The following VARS1 variants were observed in gnomAD, a reference collection of about 807,000 sequenced individuals.
VARS1 encodes the protein valine--tRNA ligase.
VARS1 carries 92 observed loss-of-function variants against 161.0 expected under a neutral mutation model. That is an observed-to-expected ratio of 0.57 (90% CI 0.48 to 0.68). The LOEUF (loss-of-function observed/expected upper bound fraction) is 0.68. VARS1 is among the 30% of genes least tolerant of loss of function. The probability of loss-of-function intolerance (pLI) is 0.00; values close to 1 mark genes in which losing one functional copy is unlikely to be tolerated. For missense variants in VARS1, 1,338 were observed against 1,695.9 expected, an observed-to-expected ratio of 0.79 and a Z score of 3.71; for synonymous variants, 595 against 682.5, an observed-to-expected ratio of 0.87 and a Z score of 2.00.
intron 5 of VARS1, 43 bp from the exon 6 acceptor site, chr6:31,792,344 C>G: frequency 6.2e-7 from 1 of 1,613,932 alleles, no homozygotes; most frequent in East Asian, 2.2e-5. Context: ...ATCAGCCAAC[C>G]CATCACCGCA....
At position 31,779,535 on chromosome 6, in the gene VARS1, C is replaced by A; in HGVS notation, c.3290G>T (p.Cys1097Phe). 1 of 1,612,376 alleles carries A rather than the reference C, an allele frequency of 6.2e-7. No homozygotes were observed. The highest frequency in any genetic ancestry group is 1.7e-5 in the Admixed American group (1 of 60,006). Residue 1097 changes from cysteine to phenylalanine, a missense_variant and splice_region_variant, in exon 28 of 30, where the codon TGC becomes TTC. By Grantham distance (205) the Cys-to-Phe change is radical. This residue lies in a region of VARS1 where 433 missense variants were observed against 586.2 expected (regional missense o/e 0.74). Coordinates refer to ENST00000375663, the MANE Select transcript of VARS1 (RefSeq NM_006295.3). This position sits in a 1 kb window ranked among gnomAD's most constrained non-coding sequence, Gnocchi z 9.1. ...CVTPYPEPSE[C>F]SWKDPEAEAA... is the part of the protein sequence containing the mutation. The stretch of plus-strand genomic sequence containing the variant: ...TTCTGCCTCGGGGTCCTTCCAGGAG[C>A]ACTGTGGGGTGGAGGAGGGGGTGAG...
In VARS1 at chr6:31,779,041, G is replaced by C. The variant is rs778347232; in HGVS notation, c.3652C>G (p.Leu1218Val). 1 of 1,612,832 alleles carries C rather than the reference G, an allele frequency of 6.2e-7. No homozygotes were observed. Among genetic ancestry groups the C allele is most frequent in the South Asian group, 1.1e-5 (1 of 91,076 alleles). Residue 1218 changes from leucine to valine, a missense_variant, in exon 29 of 30, where the codon CTG (leucine) becomes GTG (valine). This residue lies in a region of VARS1 where 433 missense variants were observed against 586.2 expected (regional missense o/e 0.74). Transcript: ENST00000375663. This position sits in a 1 kb window ranked among gnomAD's most constrained non-coding sequence, Gnocchi z 9.1. ...CCCGAGGCAGCACGGCGTTCCCGCA[G>C]ACGCTGGGCCTGCCGCTGGGCCTCA... ...RVEAQRQAQR[L>V]RERRAASGYP...
Position 31,795,489 on chromosome 6 carries a change from G to T in VARS1, c.-34+57C>A, listed in dbSNP as rs1046259570. On this transcript the variant is annotated intron_variant, in intron 1 of 29. Coordinates refer to ENST00000375663, the MANE Select transcript of VARS1 (RefSeq NM_006295.3). This position sits in a 1 kb window ranked among gnomAD's most constrained non-coding sequence, Gnocchi z 6.9. ...CGCGGGGCTTCGGGGAGTGTGGAAG[G>T]CTCTCAGGAGCGGGTCGGCGTCTGG... The T allele has an allele frequency of 1.7e-5, 6 of 351,764 alleles. No individual in the cohort carries two copies. Among genetic ancestry groups the T allele is most frequent in the Non-Finnish European group, 3.1e-5 (6 of 196,450 alleles). The allele number at this position is 351,764 out of a possible 1,614,324, so 21.8% of individuals were successfully genotyped here. A position where few individuals can be genotyped will look rare whatever the true frequency, so the allele number is the denominator to read the frequency against.
intron 8 of VARS1, among the ~76,000 whole-genome samples, chr6:31,788,649 A>C (rs1475839359): frequency 6.6e-6 from 1 of 151,054 alleles, no homozygotes; most frequent in African/African-American, 2.4e-5. Flanking sequence ...TACTAAAAAA[A>C]ATACAAAAAA....
rs755491126 is a variant in VARS1 at position 31,781,636 on chromosome 6, C to T, written c.2419-30G>A. The T allele has an allele frequency of 3.7e-6, 6 of 1,612,766 alleles. No individual in the cohort carries two copies. In the South Asian group the frequency reaches 5.5e-5, roughly 15 times the overall value. On this transcript the variant is annotated intron_variant, in intron 20 of 29. Transcript: ENST00000375663. This position sits in a 1 kb window ranked among gnomAD's most constrained non-coding sequence, Gnocchi z 6.8. ...GGGCAGACCAGGGTGTGAAGGGGAG[C>T]CAACACCCACCCTCCAGTCCCCTGT...
rs1267159461 is a variant in VARS1, at chr6:31,784,721, T to C, written c.1348-7A>G. On this transcript the variant is annotated splice_polypyrimidine_tract_variant and splice_region_variant and intron_variant, in intron 10 of 29. Coordinates refer to ENST00000375663, the MANE Select transcript of VARS1 (RefSeq NM_006295.3). This position sits in a 1 kb window ranked among gnomAD's most constrained non-coding sequence, Gnocchi z 6.1. ...TCACAGCTGCTGAGAGTTTCTGGGG[T>C]GGAGGAGGGAGAAGTCAGAGAGATG... 6.2e-7 allele frequency: 1 copy of C among 1,612,546 alleles called. No individual in the cohort carries two copies. The highest frequency in any genetic ancestry group is 8.5e-7 in the Non-Finnish European group (1 of 1,179,936).
rs1048247424 is a variant in VARS1, at chr6:31,785,915, G to T, written c.1101-182C>A. ...CTGAGGTGGGTGGATCACCTCAGGT[G>T]GGGGAGTTCGAGATGAGCCTGGCCA... On this transcript the variant is annotated intron_variant, in intron 8 of 29. Coordinates refer to ENST00000375663, the MANE Select transcript of VARS1 (RefSeq NM_006295.3). This position sits in a 1 kb window ranked among gnomAD's most constrained non-coding sequence, Gnocchi z 6.1. Among the ~76,000 whole-genome samples the T allele has an allele frequency of 1.3e-5, 2 of 152,020 alleles. No individual in the cohort carries two copies. The highest frequency in any genetic ancestry group is 2.9e-5 in the Non-Finnish European group (2 of 67,980).
At position 31,795,273 on chromosome 6, in the gene VARS1, G is replaced by A. The variant is rs967643753; in HGVS notation, c.-33-23C>T. 1.5e-6 allele frequency: 2 copies of A among 1,363,560 alleles called. No homozygotes were observed. Among genetic ancestry groups the A allele is most frequent in the Non-Finnish European group, 1.9e-6 (2 of 1,054,946 alleles). 84.5% of individuals were successfully genotyped at this position (1,363,560 alleles called of 1,614,324 possible). ...AACCTAAGGAGAAAGAGAGACAGGG[G>A]AAGACTGCGGGATCGAGGTGGGTCC... is the stretch of plus-strand genomic sequence containing the variant. On this transcript the variant is annotated intron_variant, in intron 1 of 29. Transcript: ENST00000375663. This position sits in a 1 kb window ranked among gnomAD's most constrained non-coding sequence, Gnocchi z 6.9.
In VARS1 at chr6:31,782,017, C is replaced by G. The variant is rs1449021523; in HGVS notation, c.2242-65G>C. On this transcript the variant is annotated intron_variant, in intron 18 of 29. Coordinates refer to ENST00000375663, the MANE Select transcript of VARS1 (RefSeq NM_006295.3). The surrounding 1 kb of genome is among the most constrained non-coding windows in gnomAD (Gnocchi z 8.3). The stretch of plus-strand genomic sequence containing the variant: ...CTTCTGGCTCACCCTGCCCCTCCCC[C>G]CACCAAGGACCCAGTAAACCCACCA... 1.2e-6 allele frequency: 2 copies of G among 1,612,506 alleles called. No homozygotes were observed. Among genetic ancestry groups the G allele is most frequent in the Non-Finnish European group, 1.7e-6 (2 of 1,179,392 alleles).
rs146099820 is a variant in VARS1, at chr6:31,788,717, G to T, written c.1100+2893C>A. Among the ~76,000 whole-genome samples, 929 of 152,010 alleles carry T rather than the reference G, an allele frequency of 6.1e-3. 7 individuals carry two copies. The highest frequency in any genetic ancestry group is 0.024 in the Middle Eastern group (7 of 294). On this transcript the variant is annotated intron_variant, in intron 8 of 29. Transcript: ENST00000375663. ...CCAGCTACTCAGGAGGCTGAGGCAG[G>T]AGTATGCTGTGAACCTGGGAAGCAG... is the stretch of plus-strand genomic sequence containing the variant.
At position 31,784,599 on chromosome 6, in the gene VARS1, A is replaced by G. The variant is rs986604904; in HGVS notation, c.1463T>C (p.Ile488Thr). Residue 488 changes from isoleucine to threonine, a missense_variant, in exon 11 of 30, where the codon ATT becomes ACT. Coordinates refer to ENST00000375663, the MANE Select transcript of VARS1 (RefSeq NM_006295.3). This position sits in a 1 kb window ranked among gnomAD's most constrained non-coding sequence, Gnocchi z 6.1. ...SCTLNSAISD[I>T]EVDKKELTGR... Reference sequence around the variant, plus strand: ...AGGCCAGGTTGGGGGGCGCACCTCAATGTCAGAGATGGCGGAGTTGAGGGT... The same window carrying G: ...AGGCCAGGTTGGGGGGCGCACCTCAGTGTCAGAGATGGCGGAGTTGAGGGT... 6 of 1,613,290 alleles carry G rather than the reference A, an allele frequency of 3.7e-6. No individual in the cohort carries two copies. Among genetic ancestry groups the G allele is most frequent in the Non-Finnish European group, 5.1e-6 (6 of 1,180,036 alleles).
chr6:31,782,117 A>C lies in VARS1; in HGVS notation c.2211T>G (p.Thr737=). ...WGHRIPAYFV[T]VSDPAVPPGE... is the part of the protein sequence containing the mutation. ...CAGGGGGCACCGCTGGGTCACTGAC[A>C]GTGACAAAGTAGGCTGGGATGCGAT... Residue 737 remains threonine, a synonymous_variant, in exon 18 of 30, where the codon ACT becomes ACG. Transcript: ENST00000375663. This position sits in a 1 kb window ranked among gnomAD's most constrained non-coding sequence, Gnocchi z 8.3. 6.2e-7 allele frequency: 1 copy of C among 1,613,888 alleles called. No individual in the cohort carries two copies. The highest frequency in any genetic ancestry group is 8.5e-7 in the Non-Finnish European group (1 of 1,179,914).
chr6:31,786,715 A>G (rs1677602726), intron 8 of VARS1, among the ~76,000 whole-genome samples: 1 of 151,350 alleles, frequency 6.6e-6, no homozygotes, highest in African/African-American at 2.4e-5. Flanking sequence ...GGCTCCTGCC[A>G]AACAGGATAG....
rs562523136 is a variant in VARS1, at chr6:31,791,004, G to A, written c.1100+606C>T. ...TTACAAGAATATATTCATATATTTT[G>A]GTCAGTTGTGGTGGCGCATTCCTGT... On this transcript the variant is annotated intron_variant, in intron 8 of 29. Transcript: ENST00000375663. The surrounding 1 kb of genome is among the most constrained non-coding windows in gnomAD (Gnocchi z 5.0). Among the ~76,000 whole-genome samples the A allele has an allele frequency of 1.7e-3, 253 of 152,010 alleles. No homozygotes were observed. Among genetic ancestry groups the A allele is most frequent in the Non-Finnish European group, 2.7e-3 (181 of 68,004 alleles).
chr6:31,783,159 G>A lies in VARS1; in HGVS notation c.1699C>T (p.Pro567Ser). The change falls in exon 14 of 30, where the codon CCA becomes TCA. Residue 567 changes from proline to serine, a missense_variant. Pro to Ser is a moderately conservative substitution (Grantham distance 74). Coordinates refer to ENST00000375663, the MANE Select transcript of VARS1 (RefSeq NM_006295.3). ...ATGGGAAGGCTCCGAGACAGGAATGGGTGGATCACGTTCTTCCCCTTCAGG... is the reference window on the plus strand; with the variant it reads ...ATGGGAAGGCTCCGAGACAGGAATGAGTGGATCACGTTCTTCCCCTTCAGG... Reference protein sequence around the residue: ...QHLKGKNVIHPFLSRSLPIVF... With the variant: ...QHLKGKNVIHSFLSRSLPIVF... 1.2e-6 allele frequency: 2 copies of A among 1,612,792 alleles called. No individual in the cohort carries two copies. Among genetic ancestry groups the A allele is most frequent in the Non-Finnish European group, 1.7e-6 (2 of 1,179,946 alleles).
rs1394960891 is a variant in VARS1 at position 31,782,098 on chromosome 6, G to C, written c.2230C>G (p.Pro744Ala). The C allele has an allele frequency of 3.1e-6, 5 of 1,613,546 alleles. No individual in the cohort carries two copies. Among genetic ancestry groups the C allele is most frequent in the Non-Finnish European group, 4.2e-6 (5 of 1,179,764 alleles). Reference sequence around the variant, plus strand: ...GGCCCTCTGCTCACCTCCCCAGGGGGCACCGCTGGGTCACTGACAGTGACA... The same window carrying C: ...GGCCCTCTGCTCACCTCCCCAGGGGCCACCGCTGGGTCACTGACAGTGACA... ...YFVTVSDPAV[P>A]PGEDPDGRYW... is the part of the protein sequence containing the mutation. The change falls in exon 18 of 30, where the codon CCC becomes GCC. Residue 744 changes from proline to alanine, a missense_variant. Transcript: ENST00000375663. This position sits in a 1 kb window ranked among gnomAD's most constrained non-coding sequence, Gnocchi z 8.3.
In VARS1 at chr6:31,779,073, T is replaced by C. The variant is rs1364121499; in HGVS notation, c.3620A>G (p.Lys1207Arg). ...GGCCTGCCGCTGGGCCTCAACTCGC[T>C]TGGCTTGCAGCTTGCCCAGCTCCCG... ...PARELGKLQA[K>R]RVEAQRQAQR... Residue 1207 changes from lysine (K) to arginine (R), a missense_variant, in exon 29 of 30, where the codon AAG (lysine) becomes AGG (arginine). Coordinates refer to ENST00000375663, the MANE Select transcript of VARS1 (RefSeq NM_006295.3). The surrounding 1 kb of genome is among the most constrained non-coding windows in gnomAD (Gnocchi z 9.1). 6.2e-7 allele frequency: 1 copy of C among 1,612,386 alleles called. No individual in the cohort carries two copies. Among genetic ancestry groups the C allele is most frequent in the Non-Finnish European group, 8.5e-7 (1 of 1,179,840 alleles).
Position 31,794,923 on chromosome 6 carries a change from A to C in VARS1, c.295T>G (p.Trp99Gly). ...AACTCCGTGTCGGCGTAACTGACCC[A>C]CTGTTGGACAAGGACAGCCGCCCGG... ...GSRAAVLVQQ[W>G]VSYADTELIP... The change falls in exon 2 of 30, where the codon TGG (tryptophan) becomes GGG (glycine). Residue 99 changes from tryptophan (W) to glycine (G), a missense_variant. Trp to Gly is a radical substitution (Grantham distance 184). Around this residue, in one of 3 missense-constraint regions of VARS1, gnomAD observed 902 missense variants for 1,090.3 expected, o/e 0.83. Coordinates refer to ENST00000375663, the MANE Select transcript of VARS1 (RefSeq NM_006295.3). The C allele has an allele frequency of 6.2e-7, 1 of 1,612,534 alleles. No homozygotes were observed. Among genetic ancestry groups the C allele is most frequent in the Non-Finnish European group, 8.5e-7 (1 of 1,179,872 alleles).
In VARS1 at chr6:31,793,036, TG is replaced by T. The variant is rs1402562984; in HGVS notation, c.471del (p.Thr158LeufsTer19). 26 of 1,612,928 alleles carry T rather than the reference TG, an allele frequency of 1.6e-5. No individual in the cohort carries two copies. The highest frequency in any genetic ancestry group is 2.2e-5 in the Non-Finnish European group (26 of 1,179,974). On this transcript the variant is annotated frameshift_variant, in exon 3 of 30. Coordinates refer to ENST00000375663, the MANE Select transcript of VARS1 (RefSeq NM_006295.3). LOFTEE classifies it high-confidence loss of function. ...GTGACAGCCGCCAGGTCAGCCAGAGTGGGGGCCTCCCCGGCCAAGTAGGTGT... is the reference window on the plus strand; with the variant it reads ...GTGACAGCCGCCAGGTCAGCCAGAGTGGGGCCTCCCCGGCCAAGTAGGTGT... ...RLHTYLAGEA[P>X]TLADLAAVTA...
Sources: allele counts gnomAD v4.1 joint callset (sites outside exome capture counted in the v4.1 genomes callset), GRCh38; gene constraint gnomAD v4.1.1; regional missense constraint gnomAD v4.1.1; non-coding constraint Gnocchi (gnomAD v3.1); transcripts MANE v1.5; gene names NCBI Gene and HGNC (gene_info 2026-07-23, HGNC 2026-07-21).